Variants in CCDC178 observed in about 807,000 individuals in gnomAD.
The protein encoded by CCDC178 is coiled-coil domain-containing protein 178.
A neutral mutation model predicts 117.4 loss-of-function variants in CCDC178; 126 were observed. The observed-to-expected ratio is 1.07, with a 90% CI of 0.93 to 1.24. CCDC178 has a LOEUF of 1.24. CCDC178 is among the 50% of genes most tolerant of loss of function. The pLI is 0.00. For synonymous variants in CCDC178, 283 were observed against 313.4 expected (o/e 0.90, Z 1.02); for missense variants, 1,030 against 986.9 (o/e 1.04, Z -0.59).
chr18:33,402,079 G>A (rs2063716229), intron 3 of CCDC178, among the ~76,000 whole-genome samples: 1 of 151,912 alleles, frequency 6.6e-6, no homozygotes, highest in Non-Finnish European at 1.5e-5. Context: ...AATATTGAAG[G>A]CCACACAAAT....
At chr18:33,129,240 T>C (rs72943340) in intron 20 of CCDC178, among the ~76,000 whole-genome samples, 1,750 of 152,242 alleles carry the variant, frequency 0.011, 15 homozygotes, top group Non-Finnish European at 0.018. Flanking sequence ...CTAAGCAGTG[T>C]CATAAACTGT....
intron 21 of CCDC178, among the ~76,000 whole-genome samples, chr18:33,057,776 G>A (rs1371610376): frequency 2.0e-5 from 3 of 152,178 alleles, no homozygotes; most frequent in Non-Finnish European, 4.4e-5. Context: ...TTACAGGTGT[G>A]AGACACCACG....
intron 11 of CCDC178, among the ~76,000 whole-genome samples, chr18:33,308,508 G>C (rs986367451): frequency 7.9e-5 from 12 of 152,162 alleles, no homozygotes; most frequent in African/African-American, 2.7e-4. Context: ...TTAGACTTTT[G>C]AGTTAGTGCT....
chr18:33,413,789 C>A (rs1348131170), intron 2 of CCDC178, among the ~76,000 whole-genome samples: 1 of 152,100 alleles, frequency 6.6e-6, no homozygotes, highest in Non-Finnish European at 1.5e-5. Flanking sequence ...AAGATGGAAT[C>A]CAGACTCTGC....
At chr18:33,212,669 A>G (rs750487529) in intron 19 of CCDC178, among the ~76,000 whole-genome samples, 2 of 151,976 alleles carry the variant, frequency 1.3e-5, no homozygotes, top group African/African-American at 4.8e-5. Context: ...GTTACATAAG[A>G]TGATAGATTT....
At chr18:33,328,756 T>A (rs75453875) in intron 10 of CCDC178, among the ~76,000 whole-genome samples, 1,806 of 152,312 alleles carry the variant, frequency 0.012, 18 homozygotes, top group Non-Finnish European at 0.018. Context: ...AATGTGGTCT[T>A]CTTTAACAAG....
At position 33,135,633 on chromosome 18, in the gene CCDC178, T is replaced by A. The variant is rs532964340; in HGVS notation, c.2239-42723A>T. Among the ~76,000 whole-genome samples the A allele has an allele frequency of 2.1e-4, 32 of 152,284 alleles. 1 individual carries two copies. In the South Asian group the frequency reaches 6.6e-3, roughly 32 times the overall value. On this transcript the variant is annotated intron_variant, in intron 20 of 22. Transcript: ENST00000383096. ...TTTAATGTGATAACTTTCAGATATA[T>A]GGTATCTTTTTTGCATGTAGCTATC... is the stretch of plus-strand genomic sequence containing the variant.
rs556051244 is a variant in CCDC178 at position 33,231,413 on chromosome 18, A to T, written c.1594-4558T>A. Among the ~76,000 whole-genome samples, 6 of 152,334 alleles carry T rather than the reference A, an allele frequency of 3.9e-5. No homozygotes were observed. The South Asian group carries it at 1.2e-3, about 32-fold the overall frequency. On this transcript the variant is annotated intron_variant, in intron 15 of 22. Transcript: ENST00000383096. The stretch of plus-strand genomic sequence containing the variant: ...AAGTTATAACAGATAAATACAATGC[A>T]TGGGGCTCAATGACATATACCAACC...
chr18:33,245,822 CAA>C (rs1284230717), intron 14 of CCDC178, among the ~76,000 whole-genome samples: 1 of 151,818 alleles, frequency 6.6e-6, no homozygotes, highest in Non-Finnish European at 1.5e-5. Flanking sequence ...TATACAAGAG[CAA>C]AGTTTCTCAA....
In CCDC178 at chr18:33,030,524, G is replaced by GATAA. The variant is rs1178019132; in HGVS notation, c.2389-55844_2389-55843insTTAT. 4.9e-5 allele frequency among the ~76,000 whole-genome samples: 7 copies of GATAA among 141,936 alleles called. No individual in the cohort carries two copies. In the East Asian group the frequency reaches 1.5e-3, roughly 31 times the overall value. The allele number at this position is 141,936 out of a possible 152,430, so 93.1% of individuals were successfully genotyped here. A position where few individuals can be genotyped will look rare whatever the true frequency, so the allele number is the denominator to read the frequency against. On this transcript the variant is annotated intron_variant, in intron 21 of 22. Transcript: ENST00000383096. ...AGTTCTCCAGACAGAACTGATAGAA[G>GATAA]ATAGATAGATAGATAGATAGATAGA...
chr18:33,064,078 C>A (rs1265037726), intron 21 of CCDC178, among the ~76,000 whole-genome samples: 5 of 152,142 alleles, frequency 3.3e-5, no homozygotes, highest in African/African-American at 4.8e-5. Context: ...ATGTGAGTTA[C>A]ACTAAATGTG....
chr18:33,253,095 T>C (rs1324374369), intron 14 of CCDC178, among the ~76,000 whole-genome samples: 2 of 151,844 alleles, frequency 1.3e-5, no homozygotes, highest in African/African-American at 4.8e-5. Context: ...AAAGGGTCTA[T>C]TTCTAATGGA....
chr18:33,284,687 A>G (rs1317004310), intron 12 of CCDC178, among the ~76,000 whole-genome samples: 2 of 152,192 alleles, frequency 1.3e-5, no homozygotes, highest in Non-Finnish European at 1.5e-5. Context: ...AAATAACTTT[A>G]TATCATAGTT....
intron 14 of CCDC178, among the ~76,000 whole-genome samples, chr18:33,246,493 G>T (rs2059550307): frequency 6.6e-6 from 1 of 151,724 alleles, no homozygotes; most frequent in South Asian, 2.1e-4. Flanking sequence ...AGCTGATGAT[G>T]AGCTGCATTG....
intron 20 of CCDC178, among the ~76,000 whole-genome samples, chr18:33,105,838 C>T (rs2057697903): frequency 6.6e-6 from 1 of 151,290 alleles, no homozygotes; most frequent in Non-Finnish European, 1.5e-5. Context: ...ATACACTTTG[C>T]TAAGCTGTGT....
chr18:33,081,540 C>G lies in CCDC178; in HGVS notation c.2388+11221G>C. 1.3e-5 allele frequency among the ~76,000 whole-genome samples: 2 copies of G among 152,106 alleles called. 1 individual carries two copies. The highest frequency in any genetic ancestry group is 2.9e-5 in the Non-Finnish European group (2 of 68,018). On this transcript the variant is annotated intron_variant, in intron 21 of 22. Coordinates refer to ENST00000383096, the MANE Select transcript of CCDC178 (RefSeq NM_001105528.4). ...TGCTTGATTCAAAAAGTCAAGCAAG[C>G]CATATTCTTTTCTGCTTTTACAGAT...
At chr18:33,186,457 G>A (rs575716931) in intron 20 of CCDC178, among the ~76,000 whole-genome samples, 27 of 151,992 alleles carry the variant, frequency 1.8e-4, no homozygotes, top group Non-Finnish European at 4.0e-4. Context: ...TTTCTTACAT[G>A]TGTAGTGACC....
chr18:33,303,917 T>A (rs1234334752), intron 11 of CCDC178, among the ~76,000 whole-genome samples: 1 of 152,122 alleles, frequency 6.6e-6, no homozygotes, highest in Non-Finnish European at 1.5e-5. Context: ...GCTTGAAGCA[T>A]CCTATGCAGT....
chr18:33,195,916 A>C (rs1433488333), intron 20 of CCDC178, among the ~76,000 whole-genome samples: 1 of 152,148 alleles, frequency 6.6e-6, no homozygotes, highest in Non-Finnish European at 1.5e-5. Context: ...GCTGTTAAGT[A>C]ATGTCTGGTT....
Sources: allele counts gnomAD v4.1 joint callset (sites outside exome capture counted in the v4.1 genomes callset), GRCh38; gene constraint gnomAD v4.1.1; transcripts MANE v1.5; gene names NCBI Gene and HGNC (gene_info 2026-07-23, HGNC 2026-07-21).